FRMPD4: variants seen among roughly 807,000 people sequenced by gnomAD.
The protein encoded by FRMPD4 is FERM and PDZ domain containing 4.
In FRMPD4, 22 loss-of-function variants were observed where a neutral mutation model predicts 94.1. The observed-to-expected ratio is 0.23, with a 90% CI of 0.17 to 0.33. The LOEUF is 0.33. Ranked by LOEUF, FRMPD4 falls within the 10% of genes least tolerant of loss-of-function variation. FRMPD4 has a pLI of 1.00. For synonymous variants in FRMPD4, 631 were observed against 548.6 expected, an observed-to-expected ratio of 1.15 and a Z score of -2.10; for missense variants, 1,111 against 1,339.9, an observed-to-expected ratio of 0.83 and a Z score of 2.67.
chrX:12,322,638 G>A (rs1207490282), intron 1 of FRMPD4, among the ~76,000 whole-genome samples: 1 of 110,883 alleles, frequency 9.0e-6, no homozygotes, highest in East Asian at 2.8e-4. Flanking sequence ...AGAGTGATGG[G>A]AAACCTGTGC....
At chrX:12,060,410 T>C (rs2054879004) in intron 3 of FRMPD4, among the ~76,000 whole-genome samples, 1 of 109,222 alleles carries the variant, frequency 9.2e-6, no homozygotes, top group Admixed American at 9.9e-5. Flanking sequence ...TATGTGTCTT[T>C]TTTTTTTTTG....
intron 1 of FRMPD4, among the ~76,000 whole-genome samples, chrX:12,382,579 A>ATAGCATAGCATAGCAT (rs1569254255): frequency 1.8e-5 from 2 of 108,438 alleles, no homozygotes; most frequent in African/African-American, 6.7e-5. Flanking sequence ...ATAGCATAGC[A>ATAGCATAGCATAGCAT]AGCAATAATT....
intron 1 of FRMPD4, among the ~76,000 whole-genome samples, chrX:12,140,374 G>C (rs1381143743): frequency 8.9e-6 from 1 of 112,416 alleles, no homozygotes. Context: ...GGATGATTGT[G>C]GTGTGGCCAA....
chrX:12,139,069 G>GCCTT, intron 1 of FRMPD4, 57 bp downstream of exon 1: 1 of 997,514 alleles, frequency 1.0e-6, no homozygotes, highest in Non-Finnish European at 1.3e-6. Flanking sequence ...GCAACTTGGT[G>GCCTT]CCTTATTTTT....
rs139779637 is a variant in FRMPD4 at position 12,501,262 on chromosome X, C to T, written c.158+2466C>T. The stretch of plus-strand genomic sequence containing the variant: ...GATTACTAAATGGCAAGTTTTAAAA[C>T]CAAAGTCACCAGTGTTATTTTTCCA... On this transcript the variant is annotated intron_variant, in intron 2 of 16. Transcript: ENST00000675598. Among the ~76,000 whole-genome samples, 42 of 112,551 alleles carry T rather than the reference C, an allele frequency of 3.7e-4. 2 individuals are homozygous for T. In the East Asian group the frequency reaches 0.011, roughly 30 times the overall value.
chrX:11,890,537 T>A (rs1279819597), intron 3 of FRMPD4, among the ~76,000 whole-genome samples: 1 of 112,572 alleles, frequency 8.9e-6, no homozygotes, highest in Non-Finnish European at 1.9e-5. Flanking sequence ...ATTATGTGGT[T>A]TGTTTTTCAA....
intron 1 of FRMPD4, among the ~76,000 whole-genome samples, chrX:12,247,245 T>C (rs1431370592): frequency 5.4e-5 from 6 of 111,400 alleles, no homozygotes; most frequent in Admixed American, 9.6e-5. Flanking sequence ...TTATCAAAAA[T>C]ATCTCCAGAT....
intron 1 of FRMPD4, among the ~76,000 whole-genome samples, chrX:11,860,920 G>T (rs1012822939): frequency 9.0e-6 from 1 of 111,550 alleles, no homozygotes; most frequent in African/African-American, 3.3e-5. Context: ...AGTTTACAAG[G>T]TTCTCTATTC....
At chrX:12,313,193 G>A (rs1446073966) in intron 1 of FRMPD4, among the ~76,000 whole-genome samples, 1 of 112,515 alleles carries the variant, frequency 8.9e-6, no homozygotes, top group Non-Finnish European at 1.9e-5. Flanking sequence ...GATGAAGACT[G>A]CAGCAGGCAG....
chrX:12,065,730 A>T (rs916054302), intron 3 of FRMPD4, among the ~76,000 whole-genome samples: 1 of 112,398 alleles, frequency 8.9e-6, no homozygotes, highest in Non-Finnish European at 1.9e-5. Context: ...GTAGATGGGG[A>T]CATAGACACA....
chrX:12,328,861 G>A (rs748736026), intron 1 of FRMPD4, among the ~76,000 whole-genome samples: 1 of 111,865 alleles, frequency 8.9e-6, no homozygotes, highest in Non-Finnish European at 1.9e-5. Flanking sequence ...TCAGGTATTA[G>A]AAAGGACTCA....
At chrX:11,952,872 G>A (rs2054232875) in intron 3 of FRMPD4, among the ~76,000 whole-genome samples, 2 of 111,577 alleles carry the variant, frequency 1.8e-5, no homozygotes, top group African/African-American at 6.5e-5. Context: ...TGTTAGAAAT[G>A]CAACATTTCA....
intron 1 of FRMPD4, among the ~76,000 whole-genome samples, chrX:12,183,064 G>A (rs1316309551): frequency 9.0e-6 from 1 of 110,672 alleles, no homozygotes; most frequent in African/African-American, 3.3e-5. Flanking sequence ...GGGCTAGTTT[G>A]CCTTTTTGAG....
intron 3 of FRMPD4, among the ~76,000 whole-genome samples, chrX:11,968,250 T>C (rs2054321929): frequency 8.9e-6 from 1 of 111,768 alleles, no homozygotes; most frequent in Non-Finnish European, 1.9e-5. Flanking sequence ...TTATGTGTCA[T>C]GCACTGTGCT....
upstream of FRMPD4, among the ~76,000 whole-genome samples, chrX:12,135,323 C>T (rs1268275655): frequency 1.8e-5 from 2 of 109,991 alleles, no homozygotes; most frequent in Non-Finnish European, 1.9e-5. Context: ...ACACACCTGG[C>T]ACAGAGAGGG....
rs1242765873 is a variant in FRMPD4, at chrX:11,966,270, A to T, written c.95+88252A>T. Reference sequence around the variant, plus strand: ...GGGCTTTTGGGGAGGTGATTAGGTCATGAGGGCTCCACCCTCATGAATGGG... The same window carrying T: ...GGGCTTTTGGGGAGGTGATTAGGTCTTGAGGGCTCCACCCTCATGAATGGG... On this transcript the variant is annotated intron_variant, in intron 3 of 18. Transcript: ENST00000640291. 9.0e-5 allele frequency among the ~76,000 whole-genome samples: 10 copies of T among 111,169 alleles called. No individual in the cohort carries two copies. The East Asian group carries it at 2.5e-3, about 28-fold the overall frequency.
intron 2 of FRMPD4, among the ~76,000 whole-genome samples, chrX:12,579,950 T>G (rs1226709944): frequency 8.9e-6 from 1 of 112,546 alleles, no homozygotes; most frequent in Non-Finnish European, 1.9e-5. Flanking sequence ...AAAGTTCAGA[T>G]TACAGATTTG....
At chrX:11,884,792 G>A (rs927585008) in intron 3 of FRMPD4, among the ~76,000 whole-genome samples, 1 of 111,165 alleles carries the variant, frequency 9.0e-6, no homozygotes, top group African/African-American at 3.3e-5. Flanking sequence ...TTAAAATACT[G>A]GCGTGAATAA....
intron 1 of FRMPD4, among the ~76,000 whole-genome samples, chrX:12,454,532 GT>G (rs372494339): frequency 5.8e-4 from 57 of 97,645 alleles, no homozygotes; most frequent in South Asian, 1.4e-3. Flanking sequence ...TTGCTGGAGG[GT>G]TTTTTTTTTT....
Sources: allele counts gnomAD v4.1 joint callset (sites outside exome capture counted in the v4.1 genomes callset), GRCh38; gene constraint gnomAD v4.1.1; transcripts MANE v1.5; gene names NCBI Gene and HGNC (gene_info 2026-07-23, HGNC 2026-07-21).